The following ARCN1 variants were observed in gnomAD, a reference collection of about 807,000 sequenced individuals.
ARCN1 encodes the protein coatomer subunit delta.
A neutral mutation model predicts 60.4 loss-of-function variants in ARCN1; 5 were observed. That is an observed-to-expected ratio of 0.08 (90% CI 0.04 to 0.17). The LOEUF is 0.17. ARCN1 is among the 10% of genes least tolerant of loss of function. The pLI is 1.00. For missense variants in ARCN1, 464 were observed against 626.5 expected (o/e 0.74, Z 2.77); for synonymous variants, 224 against 220.0 (o/e 1.02, Z -0.16).
chr11:118,598,488 ATTTTTTTTTTTTTT>A lies in ARCN1; in HGVS notation c.1446+587_1446+600del, dbSNP rs1174732773. ...GGAGATGTGTGAGCTGTTCCTTCGGATTTTTTTTTTTTTTTTTTTTTTTGAGATGGAGTTTTGCT... is the reference window on the plus strand; with the variant it reads ...GGAGATGTGTGAGCTGTTCCTTCGGATTTTTTTTTGAGATGGAGTTTTGCT... On this transcript the variant is annotated intron_variant, in intron 9 of 9. Coordinates refer to ENST00000264028, the MANE Select transcript of ARCN1 (RefSeq NM_001655.5). 1.2e-3 allele frequency among the ~76,000 whole-genome samples: 135 copies of A among 111,138 alleles called. 4 individuals are homozygous for A. In the East Asian group the frequency reaches 0.017, roughly 14 times the overall value. 72.9% of individuals were successfully genotyped at this position (111,138 alleles called of 152,430 possible). A position where few individuals can be genotyped will look rare whatever the true frequency, so the allele number is the denominator to read the frequency against.
intron 1 of ARCN1, among the ~76,000 whole-genome samples, chr11:118,579,043 T>A (rs756063839): frequency 6.6e-5 from 10 of 151,992 alleles, no homozygotes; most frequent in Non-Finnish European, 1.5e-4. Context: ...GAAGTACAGT[T>A]TCATTATAGT....
chr11:118,596,805 A>G (rs1939035593), intron 8 of ARCN1, among the ~76,000 whole-genome samples: 1 of 152,232 alleles, frequency 6.6e-6, no homozygotes, highest in Non-Finnish European at 1.5e-5. Flanking sequence ...ATTTTGCCCC[A>G]GGGGTAATTG....
intron 1 of ARCN1, among the ~76,000 whole-genome samples, chr11:118,578,870 CTCTCTTTTTTTTTTTTT>C (rs1323749954): frequency 1.1e-5 from 1 of 86,962 alleles, no homozygotes; most frequent in Non-Finnish European, 2.1e-5. Flanking sequence ...AAAACCCCGT[CTCTCTTTTTTTTTTTTT>C]TTTTTTTTTT....
At chr11:118,584,213 T>C (rs1938725975) in intron 4 of ARCN1, among the ~76,000 whole-genome samples, 199 bp downstream of exon 4, 1 of 152,182 alleles carries the variant, frequency 6.6e-6, no homozygotes, top group African/African-American at 2.4e-5. Flanking sequence ...TAAAAGAGAG[T>C]TATAAATTAT....
At position 118,589,012 on chromosome 11, in the gene ARCN1, C is replaced by CT. The variant is rs1389724966; in HGVS notation, c.819-1328dup. 1.3e-5 allele frequency among the ~76,000 whole-genome samples: 2 copies of CT among 149,648 alleles called. 1 individual carries two copies. The highest frequency in any genetic ancestry group is 4.4e-4 in the South Asian group (2 of 4,506). ...CAGCCTGGGCAAGAAGAGTGAAACT[C>CT]TATCTCAAAACAACAACAACAAAAA... On this transcript the variant is annotated intron_variant, in intron 5 of 9. Transcript: ENST00000264028.
chr11:118,575,479 T>C (rs1340765749), intron 1 of ARCN1, among the ~76,000 whole-genome samples: 1 of 151,928 alleles, frequency 6.6e-6, no homozygotes, highest in African/African-American at 2.4e-5. Flanking sequence ...AGAAATGTGA[T>C]GGACTTAAAA....
chr11:118,590,272 G>A, intron 5 of ARCN1, 69 bp from the exon 6 acceptor site: 2 of 1,398,100 alleles, frequency 1.4e-6, no homozygotes, highest in Non-Finnish European at 2.0e-6. Context: ...TGGGGTTATA[G>A]GCATGAGCCA....
At position 118,572,494 on chromosome 11, in the gene ARCN1, A is replaced by G. The variant is rs1219433501; in HGVS notation, c.-54A>G. 5.0e-6 allele frequency: 8 copies of G among 1,604,972 alleles called. No homozygotes were observed. The highest frequency in any genetic ancestry group is 1.3e-5 in the African/African-American group (1 of 74,580). On this transcript the variant is annotated 5_prime_UTR_variant, in exon 1 of 10. Coordinates refer to ENST00000264028, the MANE Select transcript of ARCN1 (RefSeq NM_001655.5). ...CTGGTGCTCCCGTTCCCCAGACCCT[A>G]CCCCTATCCCCAGTGGAGCCGGAGT...
Position 118,599,039 on chromosome 11 carries a change from C to G in ARCN1, c.1446+1128C>G, listed in dbSNP as rs949732120. 2.0e-5 allele frequency among the ~76,000 whole-genome samples: 3 copies of G among 151,486 alleles called. No homozygotes were observed. The South Asian group carries it at 6.2e-4, about 31-fold the overall frequency. On this transcript the variant is annotated intron_variant, in intron 9 of 9. Coordinates refer to ENST00000264028, the MANE Select transcript of ARCN1 (RefSeq NM_001655.5). The stretch of plus-strand genomic sequence containing the variant: ...GAAATCCTGACCTGAGGTGATCCGC[C>G]CACCTCAGCCTCCCAAAGTGCTGAG...
intron 5 of ARCN1, among the ~76,000 whole-genome samples, chr11:118,586,315 C>G (rs1238682028): frequency 2.6e-5 from 4 of 152,070 alleles, no homozygotes; most frequent in African/African-American, 9.7e-5. Flanking sequence ...AGGTGGGTCT[C>G]GAACTCCTGA....
At chr11:118,579,749 TATATG>T (rs1938609480) in intron 1 of ARCN1, among the ~76,000 whole-genome samples, 1 of 152,076 alleles carries the variant, frequency 6.6e-6, no homozygotes, top group African/African-American at 2.4e-5. Flanking sequence ...ATAATTCACT[TATATG>T]TATATGTTTT....
rs1018729491 is a variant in ARCN1 at position 118,592,991 on chromosome 11, G to T, written c.1132+135G>T. 39 of 850,978 alleles carry T rather than the reference G, an allele frequency of 4.6e-5. 1 individual carries two copies. In the East Asian group the frequency reaches 9.3e-4, roughly 20 times the overall value. 52.7% of individuals were successfully genotyped at this position (850,978 alleles called of 1,614,324 possible). On this transcript the variant is annotated intron_variant, in intron 7 of 9. Transcript: ENST00000264028. ...ATGACTTTCTTTTGAAATGGACCTGGTGCTGCATTTTGTATATTTTTATCA... is the reference window on the plus strand; with the variant it reads ...ATGACTTTCTTTTGAAATGGACCTGTTGCTGCATTTTGTATATTTTTATCA...
chr11:118,592,399 G>C (rs1168611865), intron 6 of ARCN1, among the ~76,000 whole-genome samples: 1 of 152,004 alleles, frequency 6.6e-6, no homozygotes, highest in African/African-American at 2.4e-5. Context: ...CCATGAACCT[G>C]CTCCCTGTGA....
intron 1 of ARCN1, among the ~76,000 whole-genome samples, chr11:118,576,542 A>G (rs1337134161): frequency 2.6e-5 from 4 of 151,790 alleles, no homozygotes; most frequent in African/African-American, 9.7e-5. Flanking sequence ...CTTTTAGTAT[A>G]TGCTATATTT....
intron 5 of ARCN1, among the ~76,000 whole-genome samples, chr11:118,589,208 AACAT>A (rs1162437699): frequency 2.6e-5 from 4 of 152,214 alleles, no homozygotes; most frequent in African/African-American, 9.7e-5. Flanking sequence ...TCAAATGTAT[AACAT>A]ACATATATAA....
chr11:118,579,605 T>G (rs1212629430), intron 1 of ARCN1, among the ~76,000 whole-genome samples: 1 of 151,604 alleles, frequency 6.6e-6, no homozygotes, highest in Non-Finnish European at 1.5e-5. Flanking sequence ...GGAGAATCAC[T>G]TGAACCTGGG....
At chr11:118,590,277 G>A in intron 5 of ARCN1, 64 bp from the exon 6 acceptor site, 2 of 1,446,166 alleles carry the variant, frequency 1.4e-6, no homozygotes, top group Non-Finnish European at 9.5e-7. Flanking sequence ...TTATAGGCAT[G>A]AGCCACCACG....
rs113120334 is a variant in ARCN1 at position 118,583,563 on chromosome 11, G to A, written c.447+205G>A. On this transcript the variant is annotated intron_variant, in intron 3 of 9. Coordinates refer to ENST00000264028, the MANE Select transcript of ARCN1 (RefSeq NM_001655.5). ...GAGTCCAGGAGTTCAAGACCAGACTGGACAGCGTAGTGAGACCCTGTCTCT... is the reference window on the plus strand; with the variant it reads ...GAGTCCAGGAGTTCAAGACCAGACTAGACAGCGTAGTGAGACCCTGTCTCT... Among the ~76,000 whole-genome samples the A allele has an allele frequency of 9.2e-3, 1,395 of 152,186 alleles. 21 individuals carry two copies. Among genetic ancestry groups the A allele is most frequent in the African/African-American group, 0.032 (1,324 of 41,502 alleles).
At position 118,602,019 on chromosome 11, in the gene ARCN1, T is replaced by C. The variant is rs1939158281; in HGVS notation, c.*1305T>C. The C allele has an allele frequency of 2.8e-6, 1 of 362,364 alleles. No individual in the cohort carries two copies. The highest frequency in any genetic ancestry group is 5.0e-6 in the Non-Finnish European group (1 of 198,828). The allele number at this position is 362,364 out of a possible 1,614,324, so 22.4% of individuals were successfully genotyped here. The stretch of plus-strand genomic sequence containing the variant: ...ACTCTCTGTCATCAGTCCCCTCCTT[T>C]CTAACAGAAATGGGGTTATGATTTT... On this transcript the variant is annotated 3_prime_UTR_variant, in exon 10 of 10. Transcript: ENST00000264028.
Sources: gnomAD v4.1 joint callset for allele counts (sites outside exome capture counted in the v4.1 genomes callset) on GRCh38, gnomAD v4.1.1 for gene constraint, MANE v1.5 for transcripts, NCBI Gene and HGNC (gene_info 2026-07-23, HGNC 2026-07-21) for gene names.